The following ODF2 variants were observed in gnomAD, a reference collection of about 807,000 sequenced individuals.
The protein encoded by ODF2 is outer dense fiber protein 2.
ODF2 carries 47 observed loss-of-function variants against 110.2 expected under a neutral mutation model. The observed-to-expected ratio is 0.43, with a 90% CI of 0.34 to 0.54. ODF2 has a LOEUF of 0.54. ODF2 is among the 20% of genes least tolerant of loss of function. ODF2 has a pLI of 0.03. For synonymous variants in ODF2, 352 were observed against 397.7 expected, an observed-to-expected ratio of 0.89 and a Z score of 1.37; for missense variants, 812 against 1,054.5, an observed-to-expected ratio of 0.77 and a Z score of 3.19.
chr9:128,481,713 C>T lies in ODF2; in HGVS notation c.915+62C>T. ...AGGTGGCAAGAGCGTCGTTCCACTACAAAGTGTAGAGGTGCTTGGATCAAG... is the reference window on the plus strand; with the variant it reads ...AGGTGGCAAGAGCGTCGTTCCACTATAAAGTGTAGAGGTGCTTGGATCAAG... On this transcript the variant is annotated intron_variant, in intron 9 of 20. Transcript: ENST00000604420. 5 of 1,357,506 alleles carry T rather than the reference C, an allele frequency of 3.7e-6. No individual in the cohort carries two copies. The South Asian group carries it at 4.8e-5, about 13-fold the overall frequency. The allele number at this position is 1,357,506 out of a possible 1,614,324, so 84.1% of individuals were successfully genotyped here.
intron 8 of ODF2, among the ~76,000 whole-genome samples, 161 bp from the exon 9 acceptor site, chr9:128,481,419 G>A (rs1372306852): frequency 1.3e-5 from 2 of 151,634 alleles, no homozygotes; most frequent in African/African-American, 4.9e-5. Flanking sequence ...CCAGGCTGCA[G>A]TGAGCCATGA....
intron 20 of ODF2, among the ~76,000 whole-genome samples, chr9:128,499,554 C>A (rs1038169110): frequency 1.2e-4 from 19 of 152,158 alleles, no homozygotes; most frequent in Admixed American, 1.3e-4. Flanking sequence ...CATGGCCTCC[C>A]AAAGTGCTGG....
intron 10 of ODF2, among the ~76,000 whole-genome samples, chr9:128,483,335 G>A (rs1046441015): frequency 6.6e-6 from 1 of 152,146 alleles, no homozygotes; most frequent in African/African-American, 2.4e-5. Flanking sequence ...CACTTTGGGA[G>A]GCCAATGCAG....
At chr9:128,456,183 A>G (rs1220171454) in exon 1 of ODF2, 17 of 1,549,316 alleles carry the variant, frequency 1.1e-5, no homozygotes, top group South Asian at 4.8e-5. Flanking sequence ...CGGCGTCTCC[A>G]TGGCACGACC....
chr9:128,456,495 G>C (rs1368356337), intron 1 of ODF2: 1 of 1,526,002 alleles, frequency 6.6e-7, no homozygotes, highest in Non-Finnish European at 8.8e-7. Flanking sequence ...GCTACCACGG[G>C]GCTCTGCCCC....
chr9:128,456,603 G>T, intron 1 of ODF2: 1 of 1,520,140 alleles, frequency 6.6e-7, no homozygotes, highest in Non-Finnish European at 8.8e-7. Flanking sequence ...TCTCTCCGCC[G>T]ACAGAGGCTC....
intron 1 of ODF2, chr9:128,456,490 C>T: frequency 6.6e-7 from 1 of 1,526,630 alleles, no homozygotes; most frequent in African/African-American, 1.4e-5. Context: ...TCTTGGCTAC[C>T]ACGGGGCTCT....
chr9:128,477,554 TTATATA>T (rs773172332), intron 8 of ODF2, among the ~76,000 whole-genome samples: 2 of 151,222 alleles, frequency 1.3e-5, no homozygotes, highest in Non-Finnish European at 2.9e-5. Flanking sequence ...CCCCAAAAAA[TTATATA>T]TATATATAAC....
chr9:128,485,533 G>C lies in ODF2; in HGVS notation c.1400+59G>C. 1.0e-6 allele frequency: 1 copy of C among 953,654 alleles called. No homozygotes were observed. Among genetic ancestry groups the C allele is most frequent in the Non-Finnish European group, 1.7e-6 (1 of 595,912 alleles). 59.1% of individuals were successfully genotyped at this position (953,654 alleles called of 1,614,324 possible). A position where few individuals can be genotyped will look rare whatever the true frequency, so the allele number is the denominator to read the frequency against. On this transcript the variant is annotated intron_variant, in intron 13 of 20. Coordinates refer to ENST00000604420, the Ensembl canonical transcript of ODF2. The surrounding 1 kb of genome is among the most constrained non-coding windows in gnomAD (Gnocchi z 5.0). ...TGTTGAGGGACTTGGGTGTGCAGGT[G>C]GGAGGGGCCTAGTGGCTCAGGGAAG...
At chr9:128,483,400 C>G (rs946324625) in intron 10 of ODF2, among the ~76,000 whole-genome samples, 12 of 151,710 alleles carry the variant, frequency 7.9e-5, no homozygotes, top group Admixed American at 3.3e-4. Flanking sequence ...CAGGGAGACC[C>G]CATCTCTACA....
chr9:128,456,206 T>G, exon 1 of ODF2: 2 of 1,547,754 alleles, frequency 1.3e-6, no homozygotes, highest in Non-Finnish European at 1.7e-6. Flanking sequence ...GGCCTCCGAC[T>G]TCAACGACTT....
At chr9:128,459,771 C>G (rs1835931202) in intron 3 of ODF2, 114 bp downstream of exon 2, 3 of 705,420 alleles carry the variant, frequency 4.3e-6, no homozygotes, top group Non-Finnish European at 7.3e-6. Flanking sequence ...CCCAGTTGCT[C>G]TGCTAGGTGC....
At chr9:128,468,668 A>G (rs934829095) in intron 4 of ODF2, among the ~76,000 whole-genome samples, 4 of 152,120 alleles carry the variant, frequency 2.6e-5, no homozygotes, top group Non-Finnish European at 5.9e-5. Context: ...GATTACAGGC[A>G]TGCACCACCA....
rs1399986906 is a variant in ODF2 at position 128,467,431 on chromosome 9, G to A, written c.250-1752G>A. 3.3e-5 allele frequency among the ~76,000 whole-genome samples: 5 copies of A among 152,002 alleles called. No homozygotes were observed. In the South Asian group the frequency reaches 1.0e-3, roughly 31 times the overall value. Reference sequence around the variant, plus strand: ...ATTTTTGTCATTTTAAGTATTAAAAGTAACTTCTTTTCTTCTAAAAGTAAT... The same window carrying A: ...ATTTTTGTCATTTTAAGTATTAAAAATAACTTCTTTTCTTCTAAAAGTAAT... On this transcript the variant is annotated intron_variant, in intron 4 of 20. Coordinates refer to ENST00000604420, the Ensembl canonical transcript of ODF2.
chr9:128,457,166 T>G, intron 1 of ODF2: 2 of 1,466,478 alleles, frequency 1.4e-6, no homozygotes, highest in Non-Finnish European at 1.8e-6. Flanking sequence ...CCCAGGTCGC[T>G]CAGCCTCTAC....
At chr9:128,470,915 G>GT (rs59215056) in intron 5 of ODF2, among the ~76,000 whole-genome samples, 18 of 139,406 alleles carry the variant, frequency 1.3e-4, no homozygotes, top group Admixed American at 7.1e-4. Flanking sequence ...TTTTGTTTTT[G>GT]TTTTTTTTTT....
intron 1 of ODF2, chr9:128,456,698 C>T (rs1424777128): frequency 8.7e-6 from 12 of 1,383,618 alleles, no homozygotes; most frequent in Middle Eastern, 2.1e-4. Context: ...ACTTGTACGC[C>T]CTCCGTAGGC....
intron 17 of ODF2, among the ~76,000 whole-genome samples, chr9:128,495,095 C>T (rs1377748036): frequency 6.6e-6 from 1 of 152,254 alleles, no homozygotes; most frequent in Non-Finnish European, 1.5e-5. Flanking sequence ...AAGAAGCAAG[C>T]ATCCCTTTCT....
intron 14 of ODF2, among the ~76,000 whole-genome samples, chr9:128,490,250 CA>C (rs1844268000): frequency 6.6e-6 from 1 of 151,880 alleles, no homozygotes; most frequent in African/African-American, 2.4e-5. Flanking sequence ...TGTGGTCATT[CA>C]AAATGATGTT....
Sources: allele counts gnomAD v4.1 joint callset (sites outside exome capture counted in the v4.1 genomes callset), GRCh38; gene constraint gnomAD v4.1.1; non-coding constraint Gnocchi (gnomAD v3.1); transcripts MANE v1.5; gene names NCBI Gene and HGNC (gene_info 2026-07-23, HGNC 2026-07-21).